The following NCALD variants were observed in gnomAD, a reference collection of about 807,000 sequenced individuals.
NCALD encodes neurocalcin-delta.
In NCALD, 10 loss-of-function variants were observed where a neutral mutation model predicts 18.6. The ratio of observed to expected loss-of-function variants is 0.54; its 90% CI spans 0.33 to 0.91. The LOEUF (loss-of-function observed/expected upper bound fraction) is 0.91, where lower values mean the gene tolerates loss of function less well. Ranked by LOEUF, NCALD falls within the 40% of genes least tolerant of loss-of-function variation. NCALD has a pLI of 0.03. For missense variants in NCALD, 184 were observed against 247.6 expected (o/e 0.74, Z 1.72); for synonymous variants, 88 against 87.4 (o/e 1.01, Z -0.04).
At chr8:101,836,100 C>T (rs190239244) in intron 4 of NCALD, among the ~76,000 whole-genome samples, 70 of 152,060 alleles carry the variant, frequency 4.6e-4, no homozygotes, top group Non-Finnish European at 6.8e-4. Flanking sequence ...CTGGGGTTTG[C>T]GGAGGCCTCT....
chr8:101,982,371 G>A (rs1326170946), intron 2 of NCALD, among the ~76,000 whole-genome samples: 2 of 152,108 alleles, frequency 1.3e-5, no homozygotes, highest in East Asian at 3.9e-4. Flanking sequence ...GACTGAATGG[G>A]AAGTAACTAT....
At chr8:101,874,456 C>A (rs191032571) in intron 4 of NCALD, among the ~76,000 whole-genome samples, 24 of 152,272 alleles carry the variant, frequency 1.6e-4, no homozygotes, top group African/African-American at 5.3e-4. Context: ...GCTGTGATGG[C>A]CTCTTTCAGC....
rs542590177 is a variant in NCALD, at chr8:101,765,633, T to G, written c.-20+25229A>C. ...CTCCTGGGCTGAAGACAGGTGGGTG[T>G]GTGTATGTTGGGGAGGAGTAGGAAG... On this transcript the variant is annotated intron_variant, in intron 1 of 3. Transcript: ENST00000220931. Among the ~76,000 whole-genome samples, 6 of 152,246 alleles carry G rather than the reference T, an allele frequency of 3.9e-5. No homozygotes were observed. In the South Asian group the frequency reaches 1.2e-3, roughly 32 times the overall value.
At chr8:101,729,283 G>T (rs1156614438) in intron 1 of NCALD, among the ~76,000 whole-genome samples, 1 of 152,086 alleles carries the variant, frequency 6.6e-6, no homozygotes, top group Non-Finnish European at 1.5e-5. Context: ...AGTACATCAG[G>T]AAAAAATTAA....
At chr8:102,007,198 G>T (rs1821745124) in intron 2 of NCALD, among the ~76,000 whole-genome samples, 1 of 152,126 alleles carries the variant, frequency 6.6e-6, no homozygotes. Context: ...TCTGTAGCTT[G>T]GTTCGTATTA....
At chr8:102,111,573 G>C (rs934429595) in intron 1 of NCALD, among the ~76,000 whole-genome samples, 10 of 152,012 alleles carry the variant, frequency 6.6e-5, no homozygotes, top group Non-Finnish European at 1.5e-5. Context: ...AAGAGTGAGA[G>C]CCAAAGGAAC....
intron 1 of NCALD, among the ~76,000 whole-genome samples, chr8:101,780,624 A>G (rs1223599514): frequency 6.6e-6 from 1 of 152,076 alleles, no homozygotes; most frequent in Non-Finnish European, 1.5e-5. Context: ...GGAAGATGAA[A>G]AAGCTCTGGA....
chr8:102,013,799 A>G (rs1349727306), intron 2 of NCALD, among the ~76,000 whole-genome samples: 2 of 152,240 alleles, frequency 1.3e-5, no homozygotes, highest in East Asian at 1.9e-4. Context: ...TAATCCAGAA[A>G]TCACGGCTAG....
chr8:101,772,893 T>C (rs893838720), intron 1 of NCALD, among the ~76,000 whole-genome samples: 1 of 152,300 alleles, frequency 6.6e-6, no homozygotes, highest in East Asian at 1.9e-4. Flanking sequence ...CCCATTTTAA[T>C]AGAGAGAATT....
chr8:101,910,858 C>T (rs529258153), intron 3 of NCALD, among the ~76,000 whole-genome samples: 3 of 152,198 alleles, frequency 2.0e-5, no homozygotes, highest in African/African-American at 2.4e-5. Context: ...CACAGGGCAA[C>T]GACCCTGAGA....
At chr8:101,973,207 C>A (rs187395104) in intron 2 of NCALD, among the ~76,000 whole-genome samples, 1 of 152,258 alleles carries the variant, frequency 6.6e-6, no homozygotes, top group Admixed American at 6.5e-5. Context: ...TACTTAATAT[C>A]CTTTTTCCAT....
At chr8:101,900,957 C>T (rs563100970) in intron 3 of NCALD, among the ~76,000 whole-genome samples, 1 of 151,832 alleles carries the variant, frequency 6.6e-6, no homozygotes, top group South Asian at 2.1e-4. Context: ...TATGAATTTG[C>T]CTATTTCTTT....
At chr8:101,722,012 T>C (rs1403753494) in intron 1 of NCALD, among the ~76,000 whole-genome samples, 2 of 152,102 alleles carry the variant, frequency 1.3e-5, no homozygotes, top group Non-Finnish European at 2.9e-5. Context: ...TGGCTAAATT[T>C]TTTATTTTTT....
chr8:102,041,446 T>C (rs1410473879), intron 1 of NCALD, among the ~76,000 whole-genome samples: 1 of 152,214 alleles, frequency 6.6e-6, no homozygotes, highest in Non-Finnish European at 1.5e-5. Flanking sequence ...TGTGTGCAGT[T>C]AGCATGCAGG....
intron 4 of NCALD, among the ~76,000 whole-genome samples, chr8:101,878,434 G>C (rs1156259216): frequency 6.6e-6 from 1 of 152,190 alleles, no homozygotes; most frequent in African/African-American, 2.4e-5. Context: ...ATAATAGAAA[G>C]CCATTTGGGT....
intron 2 of NCALD, among the ~76,000 whole-genome samples, chr8:101,942,243 A>T (rs1323309231): frequency 1.3e-5 from 2 of 152,224 alleles, no homozygotes; most frequent in Admixed American, 1.3e-4. Context: ...GCACTGGAAG[A>T]GTCTTAACCC....
chr8:101,760,558 T>C lies in NCALD; in HGVS notation c.-20+30304A>G, dbSNP rs554299354. ...TAACTAAATGCAGCAAACCTCTTGC[T>C]AATTCAGATAGATGAAGAAAAGCCA... On this transcript the variant is annotated intron_variant, in intron 1 of 3. Transcript: ENST00000220931. Among the ~76,000 whole-genome samples, 12 of 152,330 alleles carry C rather than the reference T, an allele frequency of 7.9e-5. No homozygotes were observed. In the East Asian group the frequency reaches 1.7e-3, roughly 22 times the overall value.
chr8:101,748,588 T>C (rs1204193396), intron 1 of NCALD, among the ~76,000 whole-genome samples: 3 of 152,192 alleles, frequency 2.0e-5, no homozygotes, highest in African/African-American at 7.2e-5. Context: ...AGCATATTCC[T>C]ATAAAAGCAC....
intron 4 of NCALD, among the ~76,000 whole-genome samples, chr8:101,853,896 C>T (rs1278083722): frequency 2.6e-5 from 4 of 152,108 alleles, no homozygotes; most frequent in Non-Finnish European, 5.9e-5. Flanking sequence ...AAAACCAAAC[C>T]CATTTGAAAC....
Sources: allele counts gnomAD v4.1 joint callset (sites outside exome capture counted in the v4.1 genomes callset), GRCh38; gene constraint gnomAD v4.1.1; transcripts MANE v1.5; gene names NCBI Gene and HGNC (gene_info 2026-07-23, HGNC 2026-07-21).